DGKH: variants seen among roughly 807,000 people sequenced by gnomAD.
The protein encoded by DGKH is diacylglycerol kinase eta.
A neutral mutation model predicts 159.3 loss-of-function variants in DGKH; 90 were observed. The ratio of observed to expected loss-of-function variants is 0.57; its 90% confidence interval spans 0.48 to 0.67. The LOEUF is 0.67. Among genes scored for constraint, DGKH ranks in the 30% least tolerant of loss-of-function variants. DGKH has a pLI of 0.00. For synonymous variants in DGKH, 536 were observed against 553.8 expected (o/e 0.97, Z 0.45); for missense variants, 1,181 against 1,506.1 (o/e 0.78, Z 3.57).
intron 1 of DGKH, among the ~76,000 whole-genome samples, chr13:42,118,564 G>A (rs766283943): frequency 1.2e-4 from 19 of 152,240 alleles, no homozygotes; most frequent in Non-Finnish European, 2.1e-4. Context: ...ACAGGATAAG[G>A]ATGTATTAGA....
exon 31 of DGKH, chr13:42,256,478 A>C: frequency 1.5e-4 from 190 of 1,245,018 alleles, no homozygotes; most frequent in Non-Finnish European, 2.1e-4. Context: ...TGGCTATCTC[A>C]CACCAGAACA....
chr13:42,124,831 G>T (rs541828418), intron 1 of DGKH, among the ~76,000 whole-genome samples: 2 of 152,296 alleles, frequency 1.3e-5, no homozygotes, highest in South Asian at 2.1e-4. Flanking sequence ...TGTGCAAAAT[G>T]GGGCCTGGAG....
At chr13:42,115,989 T>G (rs1326654331) in intron 1 of DGKH, among the ~76,000 whole-genome samples, 1 of 152,184 alleles carries the variant, frequency 6.6e-6, no homozygotes. Context: ...CCATAATAAA[T>G]AATGCTTAGG....
At chr13:42,159,469 T>C (rs1956125221) in intron 6 of DGKH, 97 bp downstream of exon 6, 1 of 871,406 alleles carries the variant, frequency 1.1e-6, no homozygotes, top group African/African-American at 1.7e-5. Flanking sequence ...ATGCTTATTA[T>C]TAGGATTTAA....
chr13:42,246,991 G>A (rs1306470790), downstream of DGKH, among the ~76,000 whole-genome samples: 1 of 151,950 alleles, frequency 6.6e-6, no homozygotes, highest in Non-Finnish European at 1.5e-5. Flanking sequence ...AGATATCCGT[G>A]GTCCCACAAG....
intron 20 of DGKH, among the ~76,000 whole-genome samples, chr13:42,202,002 G>A (rs995722694): frequency 2.0e-5 from 3 of 152,138 alleles, no homozygotes; most frequent in African/African-American, 7.2e-5. Context: ...TCAGAGGTTA[G>A]TGAACATAAA....
chr13:42,222,286 T>G (rs1235512258), intron 29 of DGKH, among the ~76,000 whole-genome samples: 1 of 152,228 alleles, frequency 6.6e-6, no homozygotes, highest in Non-Finnish European at 1.5e-5. Context: ...GCATTAAATT[T>G]TATCATAATA....
intron 1 of DGKH, among the ~76,000 whole-genome samples, chr13:42,115,628 G>A (rs1209876854): frequency 6.6e-6 from 1 of 152,102 alleles, no homozygotes; most frequent in African/African-American, 2.4e-5. Context: ...GTGTATTTGG[G>A]GATTACCAAG....
At chr13:42,202,089 A>G (rs564483526) in intron 20 of DGKH, among the ~76,000 whole-genome samples, 1 of 152,344 alleles carries the variant, frequency 6.6e-6, no homozygotes, top group East Asian at 1.9e-4. Context: ...CCTTAAGTTA[A>G]GAACACTTGA....
intron 20 of DGKH, among the ~76,000 whole-genome samples, chr13:42,204,750 A>G (rs1957423196): frequency 1.3e-5 from 2 of 152,166 alleles, no homozygotes. Flanking sequence ...CTGGATTTTC[A>G]CCAGTTTAGC....
At chr13:42,062,000 T>TGTGTGTGTGTGG (rs1360396397) in intron 1 of DGKH, among the ~76,000 whole-genome samples, 1 of 151,816 alleles carries the variant, frequency 6.6e-6, no homozygotes, top group Non-Finnish European at 1.5e-5. Flanking sequence ...TGTGTGTGTG[T>TGTGTGTGTGTGG]GTGTGTGTGT....
chr13:42,219,201 G>GTT (rs911338715), intron 26 of DGKH, 29 bp from the exon 27 acceptor site: 1 of 1,612,152 alleles, frequency 6.2e-7, no homozygotes, highest in African/African-American at 1.3e-5. Context: ...GTCTTGTTTT[G>GTT]TTTTGTCTTT....
chr13:42,106,756 A>G (rs1341737806), intron 1 of DGKH, among the ~76,000 whole-genome samples: 1 of 152,096 alleles, frequency 6.6e-6, no homozygotes, highest in Non-Finnish European at 1.5e-5. Flanking sequence ...AAATATTGAA[A>G]AAAGAGGCTG....
intron 3 of DGKH, among the ~76,000 whole-genome samples, chr13:42,139,317 C>A (rs1955480291): frequency 6.6e-6 from 1 of 152,184 alleles, no homozygotes; most frequent in Admixed American, 6.5e-5. Context: ...GTTCTTCTGC[C>A]AACTCTGGAG....
rs956033707 is a variant in DGKH, at chr13:42,242,729, G to A, written c.*13541G>A. 1 of 152,042 alleles carries A rather than the reference G, an allele frequency of 6.6e-6. No individual in the cohort carries two copies. Among genetic ancestry groups the A allele is most frequent in the Non-Finnish European group, 1.5e-5 (1 of 68,010 alleles). The allele number at this position is 152,042 out of a possible 1,614,324, so 9.4% of individuals were successfully genotyped here. A position where few individuals can be genotyped will look rare whatever the true frequency, so the allele number is the denominator to read the frequency against. On this transcript the variant is annotated 3_prime_UTR_variant, in exon 30 of 30. Transcript: ENST00000337343. ...CCAGTTTTCGGTGCCTTTTATTGTGGGATGCATGATTATGTATTTATTGTA... is the reference window on the plus strand; with the variant it reads ...CCAGTTTTCGGTGCCTTTTATTGTGAGATGCATGATTATGTATTTATTGTA...
At chr13:42,141,004 A>C (rs566169056) in intron 3 of DGKH, among the ~76,000 whole-genome samples, 2 of 132,366 alleles carry the variant, frequency 1.5e-5, no homozygotes, top group East Asian at 4.4e-4. Context: ...ATATGTATAC[A>C]TGTGCCATGT....
chr13:42,086,943 A>G (rs1264541166), intron 1 of DGKH, among the ~76,000 whole-genome samples: 2 of 152,094 alleles, frequency 1.3e-5, no homozygotes, highest in Non-Finnish European at 2.9e-5. Flanking sequence ...ACACAGAAAG[A>G]AAGCTCTAGA....
rs748487719 is a variant in DGKH at position 42,160,132 on chromosome 13, C to T, written c.851C>T (p.Thr284Ile). 5.1e-5 allele frequency: 82 copies of T among 1,614,098 alleles called. No individual in the cohort carries two copies. Among genetic ancestry groups the T allele is most frequent in the Non-Finnish European group, 6.4e-5 (76 of 1,180,054 alleles). The change falls in exon 7 of 30, where the codon ACA becomes ATA. Residue 284 changes from threonine (T) to isoleucine (I), a missense_variant. By Grantham distance (89) the Thr-to-Ile change is moderately conservative. This residue lies in a region of DGKH where 369 missense variants were observed against 519.4 expected (regional missense o/e 0.71). Coordinates refer to ENST00000337343, the MANE Select transcript of DGKH (RefSeq NM_178009.5). The stretch of plus-strand genomic sequence containing the variant: ...GATTGGAAATGCCTTTGGTGTAAGA[C>T]AATGGTGAGGGTTTTGGAATCAGTT... ...LQDWKCLWCK[T>I]MVHTACKDLY...
intron 1 of DGKH, among the ~76,000 whole-genome samples, chr13:42,082,742 A>C (rs144260759): frequency 6.6e-6 from 1 of 152,218 alleles, no homozygotes; most frequent in African/African-American, 2.4e-5. Flanking sequence ...TTTCTTGTAG[A>C]AGGTTAGATG....
Sources: allele counts gnomAD v4.1 joint callset (sites outside exome capture counted in the v4.1 genomes callset), GRCh38; gene constraint gnomAD v4.1.1; regional missense constraint gnomAD v4.1.1; transcripts MANE v1.5; gene names NCBI Gene and HGNC (gene_info 2026-07-23, HGNC 2026-07-21).